The following COL23A1 variants were observed in gnomAD, a reference collection of about 807,000 sequenced individuals.
COL23A1 encodes collagen alpha-1(XXIII) chain.
Under a neutral mutation model 99.3 loss-of-function variants are expected in COL23A1, and 97 were observed. The observed-to-expected ratio is 0.98, with a 90% confidence interval of 0.83 to 1.16. COL23A1 has a LOEUF of 1.16. COL23A1 is among the 50% of genes most tolerant of loss of function. COL23A1 has a pLI of 0.00. For missense variants in COL23A1, 762 were observed against 757.4 expected, an observed-to-expected ratio of 1.01 and a Z score of -0.07; for synonymous variants, 320 against 308.2, an observed-to-expected ratio of 1.04 and a Z score of -0.40.
chr5:178,345,203 T>G, intron 2 of COL23A1: 1 of 853,626 alleles, frequency 1.2e-6, no homozygotes, highest in Non-Finnish European at 1.9e-6. Context: ...CCACCAGATG[T>G]GCGGGGTTAG....
At chr5:178,422,534 G>C (rs1319391722) in intron 2 of COL23A1, among the ~76,000 whole-genome samples, 1 of 152,148 alleles carries the variant, frequency 6.6e-6, no homozygotes, top group East Asian at 1.9e-4. Flanking sequence ...GGCCCATTCA[G>C]AGGCACATCA....
chr5:178,334,764 C>T (rs145182900), intron 2 of COL23A1, among the ~76,000 whole-genome samples: 35 of 152,258 alleles, frequency 2.3e-4, no homozygotes, highest in African/African-American at 8.2e-4. Context: ...TGGGTATTTT[C>T]ACATATGTTG....
At chr5:178,586,378 T>C (rs778634752) in intron 1 of COL23A1, among the ~76,000 whole-genome samples, 2 of 152,120 alleles carry the variant, frequency 1.3e-5, no homozygotes, top group African/African-American at 2.4e-5. Context: ...GGCCTCAAAC[T>C]CTCTTCTGCT....
chr5:178,357,778 ATGTGTATGTGTGTG>A (rs1561894674), intron 2 of COL23A1, among the ~76,000 whole-genome samples: 1 of 137,370 alleles, frequency 7.3e-6, no homozygotes, highest in African/African-American at 2.7e-5. Flanking sequence ...GTATGTGTGT[ATGTGTATGTGTGTG>A]TGTATGTGTG....
chr5:178,543,235 G>T (rs1269126312), intron 2 of COL23A1, among the ~76,000 whole-genome samples: 1 of 152,026 alleles, frequency 6.6e-6, no homozygotes, highest in Non-Finnish European at 1.5e-5. Context: ...AGCCTCCCGG[G>T]TAGCTGGAAC....
intron 2 of COL23A1, among the ~76,000 whole-genome samples, chr5:178,553,593 T>C (rs1171664962): frequency 6.6e-6 from 1 of 152,248 alleles, no homozygotes; most frequent in East Asian, 1.9e-4. Context: ...CATTCTGGAA[T>C]GTTCCTGACA....
At chr5:178,369,057 G>A (rs72822841) in intron 2 of COL23A1, among the ~76,000 whole-genome samples, 14,649 of 152,266 alleles carry the variant, frequency 0.096, 794 homozygotes, top group South Asian at 0.18. Context: ...AGCCAGAGGT[G>A]AGGACCTTAG....
At chr5:178,267,166 C>T in intron 8 of COL23A1, 141 bp downstream of exon 8, 1 of 897,300 alleles carries the variant, frequency 1.1e-6, no homozygotes, top group South Asian at 1.4e-5. Flanking sequence ...TCCACCGGTG[C>T]TATGGGTGGG....
chr5:178,473,926 T>C (rs1756897693), intron 2 of COL23A1, among the ~76,000 whole-genome samples: 1 of 152,172 alleles, frequency 6.6e-6, no homozygotes, highest in Non-Finnish European at 1.5e-5. Flanking sequence ...TAATTTCCCT[T>C]AATAGGGGTC....
At chr5:178,330,597 T>C (rs1259091801) in intron 2 of COL23A1, among the ~76,000 whole-genome samples, 1 of 151,120 alleles carries the variant, frequency 6.6e-6, no homozygotes, top group South Asian at 2.1e-4. Context: ...GAGGTTGCAG[T>C]GAGCCGAGAT....
In COL23A1 at chr5:178,340,424, T is replaced by C. The variant is rs1760587857; in HGVS notation, c.362-33505A>G. Among the ~76,000 whole-genome samples, 1 of 152,162 alleles carries C rather than the reference T, an allele frequency of 6.6e-6. No homozygotes were observed. The highest frequency in any genetic ancestry group is 1.5e-5 in the Non-Finnish European group (1 of 68,026). ...CGTTCACTTCTGCTTTTGCCTTAGATACTGAAGAGCCCAGCTCCACACCAC... is the reference window on the plus strand; with the variant it reads ...CGTTCACTTCTGCTTTTGCCTTAGACACTGAAGAGCCCAGCTCCACACCAC... On this transcript the variant is annotated intron_variant, in intron 2 of 28. Transcript: ENST00000390654. The surrounding 1 kb of genome is among the most constrained non-coding windows in gnomAD (Gnocchi z 4.7).
intron 13 of COL23A1, 65 bp from the exon 14 acceptor site, chr5:178,256,993 G>A: frequency 6.6e-7 from 1 of 1,508,976 alleles, no homozygotes; most frequent in East Asian, 2.4e-5. Flanking sequence ...CCTTGGAGGG[G>A]GGCGTGCCTC....
chr5:178,345,163 C>T (rs1265346446), intron 2 of COL23A1: 9 of 681,252 alleles, frequency 1.3e-5, no homozygotes, highest in African/African-American at 5.4e-5. Flanking sequence ...TAGCTGATGG[C>T]CTGGGTCACG....
intron 2 of COL23A1, among the ~76,000 whole-genome samples, chr5:178,550,836 G>T (rs765355264): frequency 2.6e-5 from 4 of 152,170 alleles, no homozygotes; most frequent in Non-Finnish European, 4.4e-5. Context: ...GGTCAAGACA[G>T]CTCTGGTCTT....
intron 1 of COL23A1, among the ~76,000 whole-genome samples, chr5:178,584,071 A>G (rs1019914441): frequency 6.6e-6 from 1 of 152,188 alleles, no homozygotes; most frequent in African/African-American, 2.4e-5. Flanking sequence ...GCTAGAGTAC[A>G]GTGCCATGAT....
Position 178,512,775 on chromosome 5 carries a change from G to A in COL23A1, c.361+47907C>T, listed in dbSNP as rs525091. Among the ~76,000 whole-genome samples the A allele has an allele frequency of 4.4e-3, 676 of 152,276 alleles. 7 individuals are homozygous for A. Among genetic ancestry groups the A allele is most frequent in the African/African-American group, 0.014 (568 of 41,556 alleles). ...TTCCACGCAGCCCCAAGCAGGCTTC[G>A]TCAGGACAACAGAGCACTCACTGAG... On this transcript the variant is annotated intron_variant, in intron 2 of 28. Coordinates refer to ENST00000390654, the MANE Select transcript of COL23A1 (RefSeq NM_173465.4).
At position 178,239,187 on chromosome 5, in the gene COL23A1, GGAA is replaced by G. The variant is rs1463092991; in HGVS notation, c.1582-11_1582-9del. The G allele has an allele frequency of 9.3e-6, 15 of 1,613,926 alleles. No individual in the cohort carries two copies. The highest frequency in any genetic ancestry group is 3.3e-5 in the Admixed American group (2 of 59,998). On this transcript the variant is annotated splice_polypyrimidine_tract_variant and intron_variant, in intron 27 of 28. Coordinates refer to ENST00000390654, the MANE Select transcript of COL23A1 (RefSeq NM_173465.4). ...AGGCAGCCCGTCGGGGCCCTGGAAAGGAAGAAGGTTTCAGTGATGGGGATGGGG... is the reference window on the plus strand; with the variant it reads ...AGGCAGCCCGTCGGGGCCCTGGAAAGGAAGGTTTCAGTGATGGGGATGGGG...
At chr5:178,263,380 G>T (rs1765744374) in intron 8 of COL23A1, 56 bp from the exon 9 acceptor site, 2 of 1,133,684 alleles carry the variant, frequency 1.8e-6, no homozygotes, top group Admixed American at 2.3e-5. Flanking sequence ...AGCCTCCAGA[G>T]AGAGGCTCCC....
At position 178,247,761 on chromosome 5, in the gene COL23A1, C is replaced by G; in HGVS notation, c.1269+14G>C. ...CTGGCTGCTTCAAACCAAACCAAAG[C>G]AAACCGTCCTTACCATCGGGCCTGG... On this transcript the variant is annotated intron_variant, in intron 21 of 28. Transcript: ENST00000390654. The G allele has an allele frequency of 6.2e-7, 1 of 1,613,096 alleles. No homozygotes were observed. The highest frequency in any genetic ancestry group is 8.5e-7 in the Non-Finnish European group (1 of 1,179,166).
Sources: gnomAD v4.1 joint callset for allele counts (sites outside exome capture counted in the v4.1 genomes callset) on GRCh38, gnomAD v4.1.1 for gene constraint, Gnocchi (gnomAD v3.1) non-coding constraint, MANE v1.5 for transcripts, NCBI Gene and HGNC (gene_info 2026-07-23, HGNC 2026-07-21) for gene names.